Variants in TRIOBP observed in about 807,000 individuals in gnomAD.
TRIOBP encodes the protein TRIO and F-actin-binding protein.
TRIOBP carries 169 observed loss-of-function variants against 238.8 expected under a neutral mutation model. That is an observed-to-expected ratio of 0.71 (90% CI 0.62 to 0.80). The LOEUF (loss-of-function observed/expected upper bound fraction) is 0.80. TRIOBP is among the 30% of genes least tolerant of loss of function. The pLI is 0.00. For synonymous variants in TRIOBP, 1,150 were observed against 1,274.4 expected (o/e 0.90, Z 2.08); for missense variants, 2,838 against 3,122.6 (o/e 0.91, Z 2.17).
At position 37,759,288 on chromosome 22, in the gene TRIOBP, A is replaced by G. The variant is rs374422915; in HGVS notation, c.6324+24A>G. On this transcript the variant is annotated intron_variant, in intron 17 of 23. Coordinates refer to ENST00000644935, the MANE Select transcript of TRIOBP (RefSeq NM_001039141.3). ...AGGTAAGGCCGGGGGGCTGTTTTTC[A>G]GGGGGAGGGGGCAGATTTCTGCTTG... is the stretch of plus-strand genomic sequence containing the variant. 6.5e-5 allele frequency: 104 copies of G among 1,600,334 alleles called. No individual in the cohort carries two copies. The African/African-American group carries it at 6.8e-4, about 11-fold the overall frequency.
chr22:37,701,270 G>A, intron 2 of TRIOBP, 36 bp from the exon 3 acceptor site: 1 of 954,772 alleles, frequency 1.0e-6, no homozygotes, highest in South Asian at 1.4e-5. Context: ...TGGCCAGCCA[G>A]TCATCTGGTC....
chr22:37,709,811 T>C (rs1436545745), intron 3 of TRIOBP, among the ~76,000 whole-genome samples: 1 of 152,276 alleles, frequency 6.6e-6, no homozygotes, highest in East Asian at 1.9e-4. Context: ...CCCGCCCTTT[T>C]CCTGGGGCCT....
Position 37,772,706 on chromosome 22 carries a change from C to T in TRIOBP, c.7042C>T (p.Leu2348Phe). The T allele has an allele frequency of 6.2e-7, 1 of 1,614,118 alleles. No individual in the cohort carries two copies. The highest frequency in any genetic ancestry group is 8.5e-7 in the Non-Finnish European group (1 of 1,180,034). The change falls in exon 23 of 24, where the codon CTT becomes TTT. Residue 2348 changes from leucine (L) to phenylalanine (F), a missense_variant. By Grantham distance (22) the Leu-to-Phe change is conservative. Transcript: ENST00000644935. ...EIEQLKEHLR[L>F]AMAALQEKES... ...CGAGCAGCTGAAGGAGCACCTGCGTCTTGCCATGGCCGCCCTCCAGGAGAA... is the reference window on the plus strand; with the variant it reads ...CGAGCAGCTGAAGGAGCACCTGCGTTTTGCCATGGCCGCCCTCCAGGAGAA...
intron 15 of TRIOBP, among the ~76,000 whole-genome samples, chr22:37,756,451 C>T (rs1033783719): frequency 2.6e-5 from 4 of 152,248 alleles, no homozygotes; most frequent in African/African-American, 9.6e-5. Flanking sequence ...TCAGAGTCCC[C>T]ATCTGTCACG....
chr22:37,750,272 C>A (rs1480332955), intron 11 of TRIOBP, among the ~76,000 whole-genome samples: 4 of 152,260 alleles, frequency 2.6e-5, no homozygotes, highest in African/African-American at 9.6e-5. Context: ...CAGGGACTTT[C>A]GCCTGGGACT....
chr22:37,701,464 T>C lies in TRIOBP; in HGVS notation c.99T>C (p.His33=). 1.9e-6 allele frequency: 3 copies of C among 1,612,256 alleles called. No homozygotes were observed. Among genetic ancestry groups the C allele is most frequent in the Non-Finnish European group, 2.5e-6 (3 of 1,179,374 alleles). The part of the protein sequence containing the change: ...CQNCFHPEEA[H]GARYQELRSP... Reference sequence around the variant, plus strand: ...ACTGCTTCCACCCTGAGGAGGCCCATGGAGCAAGATACCAGGTGGGCCAGT... The same window carrying C: ...ACTGCTTCCACCCTGAGGAGGCCCACGGAGCAAGATACCAGGTGGGCCAGT... The change falls in exon 3 of 24, where the codon CAT becomes CAC. Residue 33 remains histidine, a synonymous_variant. Transcript: ENST00000644935.
chr22:37,763,625 A>G (rs571241240), intron 17 of TRIOBP, among the ~76,000 whole-genome samples: 1 of 152,308 alleles, frequency 6.6e-6, no homozygotes, highest in East Asian at 1.9e-4. Flanking sequence ...TATATAAAAG[A>G]AATGTTTACA....
Position 37,726,439 on chromosome 22 carries a change from AGCGGGGGCCGCACCCACAGCCCTGGCC to A in TRIOBP, c.3885_3911del (p.Gly1296_Arg1304del). The A allele has an allele frequency of 6.3e-7, 1 of 1,583,596 alleles. No individual in the cohort carries two copies. The highest frequency in any genetic ancestry group is 1.1e-5 in the South Asian group (1 of 88,258). ...GCCAGGGCCCCAGGCGCAGTGCAGC[AGCGGGGGCCGCACCCACAGCCCTGGCC>A]GTGCAGAGGTGGAGCGCCTCTTCGG... On this transcript the variant is annotated inframe_deletion, in exon 7 of 24. Coordinates refer to ENST00000644935, the MANE Select transcript of TRIOBP (RefSeq NM_001039141.3).
chr22:37,735,880 T>C (rs932719598), intron 9 of TRIOBP, among the ~76,000 whole-genome samples: 3 of 152,212 alleles, frequency 2.0e-5, no homozygotes, highest in African/African-American at 7.2e-5. Context: ...ACCTGGTTTA[T>C]GTTGTGTCTG....
intron 17 of TRIOBP, among the ~76,000 whole-genome samples, chr22:37,760,921 G>A (rs1353915633): frequency 2.0e-5 from 3 of 150,988 alleles, no homozygotes; most frequent in Non-Finnish European, 4.4e-5. Flanking sequence ...GCAGTGAGCC[G>A]AGATTGCGCC....
intron 7 of TRIOBP, among the ~76,000 whole-genome samples, chr22:37,727,204 C>T (rs1386539666): frequency 4.6e-5 from 7 of 150,816 alleles, no homozygotes; most frequent in Non-Finnish European, 7.4e-5. Flanking sequence ...CCACCGTGCC[C>T]GGCCAAAATG....
intron 18 of TRIOBP, among the ~76,000 whole-genome samples, 176 bp downstream of exon 18, chr22:37,765,993 A>G (rs112307396): frequency 2.6e-3 from 396 of 152,242 alleles, no homozygotes; most frequent in Middle Eastern, 0.017. Flanking sequence ...GCCCTACTTA[A>G]AAAGGGAAAC....
chr22:37,742,357 G>C (rs1461221312), intron 11 of TRIOBP, among the ~76,000 whole-genome samples: 1 of 149,434 alleles, frequency 6.7e-6, no homozygotes, highest in Non-Finnish European at 1.5e-5. Context: ...CTGCCTCCCA[G>C]GTTCAAGCGA....
intron 17 of TRIOBP, among the ~76,000 whole-genome samples, chr22:37,760,572 T>C (rs1304732420): frequency 1.3e-5 from 2 of 152,218 alleles, no homozygotes; most frequent in African/African-American, 4.8e-5. Context: ...ACATAGTTAA[T>C]TTAAAGTATA....
intron 3 of TRIOBP, among the ~76,000 whole-genome samples, chr22:37,702,122 CAAAAA>C (rs112697623): frequency 6.6e-6 from 1 of 151,754 alleles, no homozygotes; most frequent in Non-Finnish European, 1.5e-5. Context: ...CAAAACAAAA[CAAAAA>C]AGAGAAGAAA....
chr22:37,703,414 A>G (rs922587361), intron 3 of TRIOBP, among the ~76,000 whole-genome samples: 3 of 152,098 alleles, frequency 2.0e-5, no homozygotes, highest in African/African-American at 4.8e-5. Context: ...TACACACGCA[A>G]TGAGAAACCT....
In TRIOBP at chr22:37,754,889, T is replaced by G. The variant is rs1925830606; in HGVS notation, c.5392T>G (p.Ser1798Ala). ...ATCCTCCTTGCAGCCTCCCTCCCCC[T>G]CGCTCACCACCACCTCTACTTCGCA... ...LDEPGEPPSP[S>A]LTTTSTSQWK... Residue 1798 changes from serine to alanine, a missense_variant, in exon 13 of 24, where the codon TCG (serine) becomes GCG (alanine). Ser to Ala is a moderately conservative substitution (Grantham distance 99). Transcript: ENST00000644935. The G allele has an allele frequency of 3.7e-6, 6 of 1,613,882 alleles. No individual in the cohort carries two copies. In the African/African-American group the frequency reaches 8.0e-5, roughly 22 times the overall value.
At chr22:37,715,564 C>T (rs1379293492) in intron 5 of TRIOBP, among the ~76,000 whole-genome samples, 199 bp from the exon 6 acceptor site, 7 of 151,524 alleles carry the variant, frequency 4.6e-5, no homozygotes, top group Non-Finnish European at 7.4e-5. Context: ...AGGATGGTCT[C>T]GATCTCCTGA....
chr22:37,726,149 G>A lies in TRIOBP; in HGVS notation c.3593G>A (p.Ser1198Asn), dbSNP rs1378054056. 2 of 1,550,774 alleles carry A rather than the reference G, an allele frequency of 1.3e-6. No individual in the cohort carries two copies. The highest frequency in any genetic ancestry group is 8.7e-7 in the Non-Finnish European group (1 of 1,143,082). Residue 1198 changes from serine (S) to asparagine (N), a missense_variant, in exon 7 of 24, where the codon AGC (serine) becomes AAC (asparagine). Around this residue, in one of 5 missense-constraint regions of TRIOBP, gnomAD observed 2,096 missense variants for 2,137.4 expected, o/e 0.98. Transcript: ENST00000644935. ...FQDPPGTSME[S>N]LAPSTDSLHG... is the part of the protein sequence containing the mutation. ...GATCCCCCTGGAACTAGTATGGAGA[G>A]CCTGGCCCCCTCCACTGACTCTCTG... is the stretch of plus-strand genomic sequence containing the variant.
Sources: allele counts gnomAD v4.1 joint callset (sites outside exome capture counted in the v4.1 genomes callset), GRCh38; gene constraint gnomAD v4.1.1; regional missense constraint gnomAD v4.1.1; transcripts MANE v1.5; gene names NCBI Gene and HGNC (gene_info 2026-07-23, HGNC 2026-07-21).